Variants in PLA2G4E observed in about 807,000 individuals in gnomAD.
The protein encoded by PLA2G4E is cytosolic phospholipase A2 epsilon.
A neutral mutation model predicts 109.1 loss-of-function variants in PLA2G4E; 84 were observed. That is an observed-to-expected ratio of 0.77 (90% confidence interval 0.65 to 0.92). The LOEUF (loss-of-function observed/expected upper bound fraction) is 0.92. PLA2G4E is among the 40% of genes least tolerant of loss of function. The pLI is 0.00. For synonymous variants in PLA2G4E, 469 were observed against 436.1 expected (o/e 1.08, Z -0.94); for missense variants, 1,057 against 1,076.6 (o/e 0.98, Z 0.25).
At chr15:42,035,266 C>T (rs1298625421) in intron 1 of PLA2G4E, among the ~76,000 whole-genome samples, 1 of 152,202 alleles carries the variant, frequency 6.6e-6, no homozygotes, top group Non-Finnish European at 1.5e-5. Context: ...GAAGTCAACA[C>T]TGTCATATGT....
At chr15:42,026,249 C>A (rs1008862366) in intron 1 of PLA2G4E, among the ~76,000 whole-genome samples, 1 of 152,076 alleles carries the variant, frequency 6.6e-6, no homozygotes, top group East Asian at 1.9e-4. Flanking sequence ...ATGGAGGGAA[C>A]AGAGACAGAC....
At chr15:42,017,886 C>A (rs1001656280) in intron 1 of PLA2G4E, among the ~76,000 whole-genome samples, 3 of 152,180 alleles carry the variant, frequency 2.0e-5, no homozygotes, top group Admixed American at 2.0e-4. Context: ...GAGAAGTTCC[C>A]ATTTTCCAGT....
chr15:42,013,726 A>C (rs1360458381), exon 2 of PLA2G4E: 1 of 1,550,318 alleles, frequency 6.5e-7, no homozygotes, highest in Non-Finnish European at 8.7e-7. Flanking sequence ...GATGACCCTC[A>C]CTGTCAACAG....
chr15:42,035,632 G>A (rs1021480322), intron 1 of PLA2G4E, among the ~76,000 whole-genome samples: 2 of 152,094 alleles, frequency 1.3e-5, no homozygotes, highest in Non-Finnish European at 2.9e-5. Flanking sequence ...GATGGGCTCG[G>A]CACTTGGGCT....
At chr15:42,005,084 C>A in intron 4 of PLA2G4E, 106 bp from the exon 5 acceptor site, 1 of 1,319,348 alleles carries the variant, frequency 7.6e-7, no homozygotes. Context: ...CTCCGTCCTT[C>A]CCCCACAGCT....
At chr15:41,982,777 G>A (rs1332870153) in exon 20 of PLA2G4E, 3 of 152,262 alleles carry the variant, frequency 2.0e-5, no homozygotes, top group African/African-American at 7.2e-5. Flanking sequence ...GGAGCTGGAT[G>A]CTTGGGCATG....
intron 6 of PLA2G4E, among the ~76,000 whole-genome samples, chr15:42,002,432 G>A (rs1307404610): frequency 6.6e-6 from 1 of 152,078 alleles, no homozygotes; most frequent in Non-Finnish European, 1.5e-5. Context: ...GCTCGGCCAG[G>A]GTGATGTCCC....
At chr15:42,039,423 A>G (rs1001293473) in intron 1 of PLA2G4E, among the ~76,000 whole-genome samples, 1 of 152,196 alleles carries the variant, frequency 6.6e-6, no homozygotes, top group African/African-American at 2.4e-5. Context: ...ATGGAAAAAT[A>G]CTTTTGTTAA....
intron 1 of PLA2G4E, among the ~76,000 whole-genome samples, chr15:42,031,535 T>C (rs963391550): frequency 3.9e-5 from 6 of 152,112 alleles, no homozygotes; most frequent in Admixed American, 2.0e-4. Flanking sequence ...TTCATCCTCC[T>C]CTTTCTCCCA....
At chr15:42,039,876 A>G (rs964312914) in intron 1 of PLA2G4E, among the ~76,000 whole-genome samples, 2 of 152,212 alleles carry the variant, frequency 1.3e-5, no homozygotes, top group African/African-American at 4.8e-5. Context: ...TGATCTATTT[A>G]TTTAGTACAA....
At chr15:42,018,474 C>T (rs559171407) in intron 1 of PLA2G4E, among the ~76,000 whole-genome samples, 1 of 152,050 alleles carries the variant, frequency 6.6e-6, no homozygotes, top group African/African-American at 2.4e-5. Flanking sequence ...TGGGCTGCAG[C>T]CCTGGAGTAG....
rs1239491067 is a variant in PLA2G4E, at chr15:41,999,927, G to T, written c.926C>A (p.Thr309Asn). The change falls in exon 9 of 20, where the codon ACC becomes AAC. Residue 309 changes from threonine (T) to asparagine (N), a missense_variant. Coordinates refer to ENST00000399518, the Ensembl canonical transcript of PLA2G4E. Reference sequence around the variant, plus strand: ...GACTCAGGCACTCACCACAGGCAGGGTCATCACCTGACCATCGGAAAGGCA... The same window carrying T: ...GACTCAGGCACTCACCACAGGCAGGTTCATCACCTGACCATCGGAAAGGCA... The T allele has an allele frequency of 2.5e-6, 4 of 1,609,748 alleles. No individual in the cohort carries two copies. The South Asian group carries it at 3.3e-5, about 13-fold the overall frequency.
At chr15:41,999,843 G>T in intron 9 of PLA2G4E, 74 bp downstream of exon 9, 1 of 1,448,034 alleles carries the variant, frequency 6.9e-7, no homozygotes, top group Non-Finnish European at 9.5e-7. Context: ...ACCTCCCCAG[G>T]CTCTCCCCAC....
chr15:41,997,085 C>A, intron 11 of PLA2G4E, 39 bp downstream of exon 11: 1 of 1,525,198 alleles, frequency 6.6e-7, no homozygotes, highest in Non-Finnish European at 8.8e-7. Flanking sequence ...GCTGGAAGGA[C>A]CAGCTGGGCC....
At chr15:42,030,494 A>G (rs1216174440) in intron 1 of PLA2G4E, among the ~76,000 whole-genome samples, 1 of 152,180 alleles carries the variant, frequency 6.6e-6, no homozygotes, top group Non-Finnish European at 1.5e-5. Context: ...TCCAACTATC[A>G]CTCTGGGCCC....
In PLA2G4E at chr15:42,021,051, G is replaced by A. The variant is rs2068644314; in HGVS notation, c.184-7294C>T. On this transcript the variant is annotated intron_variant, in intron 1 of 19. Transcript: ENST00000399518. ...AGCATCACGGCAGCTCTCCAGCTGG[G>A]TGGCAAGATCAGGAACTTATACTCT... is the stretch of plus-strand genomic sequence containing the variant. Among the ~76,000 whole-genome samples the A allele has an allele frequency of 6.6e-6, 1 of 151,988 alleles. No homozygotes were observed. Among genetic ancestry groups the A allele is most frequent in the Non-Finnish European group, 1.5e-5 (1 of 68,002 alleles).
intron 1 of PLA2G4E, among the ~76,000 whole-genome samples, chr15:42,029,871 T>A (rs1285300942): frequency 6.6e-6 from 1 of 152,202 alleles, no homozygotes; most frequent in African/African-American, 2.4e-5. Context: ...AAAGACATCA[T>A]CGCTGCCCCA....
intron 12 of PLA2G4E, among the ~76,000 whole-genome samples, chr15:41,994,425 C>T (rs1160696501): frequency 2.0e-5 from 3 of 152,256 alleles, no homozygotes; most frequent in African/African-American, 7.2e-5. Context: ...TCAGGGCTCA[C>T]AGGCCCACCA....
intron 1 of PLA2G4E, among the ~76,000 whole-genome samples, chr15:42,026,387 C>T (rs888944435): frequency 6.6e-6 from 1 of 152,150 alleles, no homozygotes; most frequent in African/African-American, 2.4e-5. Context: ...AAACAGCATT[C>T]CCATTTCATA....
Sources: allele counts gnomAD v4.1 joint callset (sites outside exome capture counted in the v4.1 genomes callset), GRCh38; gene constraint gnomAD v4.1.1; transcripts MANE v1.5; gene names NCBI Gene and HGNC (gene_info 2026-07-23, HGNC 2026-07-21).